The following DNAAF5 variants were observed in gnomAD, a reference collection of about 807,000 sequenced individuals.
DNAAF5 encodes HEAT repeat containing 2.
Under a neutral mutation model 75.8 loss-of-function variants are expected in DNAAF5, and 64 were observed. The ratio of observed to expected loss-of-function variants is 0.84; its 90% CI spans 0.69 to 1.04. DNAAF5 has a LOEUF of 1.04. DNAAF5 is among the 50% of genes least tolerant of loss of function. DNAAF5 has a pLI of 0.00. For missense variants in DNAAF5, 1,269 were observed against 1,178.5 expected (o/e 1.08, Z -1.12); for synonymous variants, 657 against 557.2 (o/e 1.18, Z -2.52).
intron 6 of DNAAF5, among the ~76,000 whole-genome samples, chr7:758,065 G>C (rs1013588887): frequency 1.3e-5 from 2 of 152,238 alleles, no homozygotes; most frequent in African/African-American, 2.4e-5. Flanking sequence ...GGAAGGGAGC[G>C]GGGGAGGGGC....
At chr7:741,019 A>G in intron 3 of DNAAF5, 76 bp downstream of exon 3, 1 of 1,538,538 alleles carries the variant, frequency 6.5e-7, no homozygotes, top group South Asian at 1.2e-5. Flanking sequence ...CTTTGCTCCC[A>G]GTCTCTCACA....
Position 754,177 on chromosome 7 carries a change from T to G in DNAAF5, c.1025-412T>G, listed in dbSNP as rs1782409974. On this transcript the variant is annotated intron_variant, in intron 4 of 12. Coordinates refer to ENST00000297440, the MANE Select transcript of DNAAF5 (RefSeq NM_017802.4). The surrounding 1 kb of genome is among the most constrained non-coding windows in gnomAD (Gnocchi z 4.8). ...ATCTCTGTGTGGCTCTAAATGTTTG[T>G]TTTTTGAGACAGGGTCTCGCTCTGT... 6.6e-6 allele frequency among the ~76,000 whole-genome samples: 1 copy of G among 152,210 alleles called. No individual in the cohort carries two copies. The highest frequency in any genetic ancestry group is 2.1e-4 in the South Asian group (1 of 4,830).
At chr7:736,605 G>A (rs536708741) in intron 2 of DNAAF5, among the ~76,000 whole-genome samples, 4 of 152,214 alleles carry the variant, frequency 2.6e-5, no homozygotes, top group Admixed American at 6.5e-5. Flanking sequence ...TTTTAGTGAC[G>A]TGTATTTCTT....
At chr7:753,565 G>C (rs999246053) in intron 4 of DNAAF5, among the ~76,000 whole-genome samples, 2 of 151,200 alleles carry the variant, frequency 1.3e-5, no homozygotes, top group Admixed American at 1.3e-4. Flanking sequence ...TCGAAGGCAT[G>C]TCTCTCTGAT....
chr7:753,748 GATC>G (rs149986625), intron 4 of DNAAF5, among the ~76,000 whole-genome samples: 4,310 of 109,060 alleles, frequency 0.04, 282 homozygotes, highest in African/African-American at 0.15. Flanking sequence ...GTGTCTCTCT[GATC>G]ATATGGCGAC....
rs550362104 is a variant in DNAAF5 at position 736,173 on chromosome 7, G to A, written c.781-4646G>A. ...ATCTGTGTGCTGAGGAGAAGAATGT[G>A]TATTCTGTAGCTGTTGGATGCAATG... On this transcript the variant is annotated intron_variant, in intron 2 of 12. Coordinates refer to ENST00000297440, the MANE Select transcript of DNAAF5 (RefSeq NM_017802.4). Among the ~76,000 whole-genome samples, 290 of 152,334 alleles carry A rather than the reference G, an allele frequency of 1.9e-3. 1 individual carries two copies. The highest frequency in any genetic ancestry group is 3.7e-3 in the Admixed American group (57 of 15,304).
chr7:774,439 G>A (rs142784513), intron 10 of DNAAF5, among the ~76,000 whole-genome samples: 1 of 152,218 alleles, frequency 6.6e-6, no homozygotes, highest in Non-Finnish European at 1.5e-5. Flanking sequence ...CAGCCCGGTC[G>A]TGCTGCGGGT....
chr7:761,881 C>T lies in DNAAF5; in HGVS notation c.1599C>T (p.Thr533=), dbSNP rs771906023. The T allele has an allele frequency of 3.4e-5, 54 of 1,576,254 alleles. No homozygotes were observed. Among genetic ancestry groups the T allele is most frequent in the Non-Finnish European group, 4.4e-5 (51 of 1,161,546 alleles). ...CAATAGTGGCCCTCGCAGGTGCTAC[C>T]GGCCTGAGGGACAAGGTAAGGCTGA... ...LLTIVALAGA[T]GLRDKAQETM... Residue 533 remains threonine (T), a synonymous_variant, in exon 7 of 13, where the codon ACC becomes ACT. Transcript: ENST00000297440.
At chr7:765,806 T>C (rs924328420) in intron 8 of DNAAF5, among the ~76,000 whole-genome samples, 1 of 152,130 alleles carries the variant, frequency 6.6e-6, no homozygotes, top group Non-Finnish European at 1.5e-5. Context: ...GATCAAGTGA[T>C]TTTTCTGCCT....
chr7:746,007 C>T (rs547041765), intron 4 of DNAAF5, among the ~76,000 whole-genome samples: 1 of 152,058 alleles, frequency 6.6e-6, no homozygotes, highest in African/African-American at 2.4e-5. Context: ...GAATGACAGT[C>T]AGTCAGTCGC....
At chr7:766,001 G>C (rs1782807474) in intron 8 of DNAAF5, among the ~76,000 whole-genome samples, 1 of 152,146 alleles carries the variant, frequency 6.6e-6, no homozygotes, top group African/African-American at 2.4e-5. Context: ...GCTAATTTTT[G>C]TATTTTTTGT....
At chr7:773,905 GA>G in intron 9 of DNAAF5, 142 bp from the exon 10 acceptor site, 1 of 893,190 alleles carries the variant, frequency 1.1e-6, no homozygotes, top group Non-Finnish European at 1.8e-6. Context: ...AGCAGCTCCT[GA>G]GAGGAGGAGG....
intron 4 of DNAAF5, among the ~76,000 whole-genome samples, chr7:746,829 C>T (rs1032908090): frequency 6.6e-6 from 1 of 152,234 alleles, no homozygotes; most frequent in Non-Finnish European, 1.5e-5. Context: ...CAGAACTGCT[C>T]ATGGGCCCTG....
intron 11 of DNAAF5, 34 bp downstream of exon 11, chr7:775,196 A>G (rs1778719636): frequency 1.2e-6 from 2 of 1,603,944 alleles, no homozygotes; most frequent in Admixed American, 3.3e-5. Context: ...GCCTGTGTAT[A>G]TGCAGTCAGC....
chr7:770,619 G>C lies in DNAAF5; in HGVS notation c.1931+1G>C. 1 of 1,613,084 alleles carries C rather than the reference G, an allele frequency of 6.2e-7. No homozygotes were observed. Among genetic ancestry groups the C allele is most frequent in the Non-Finnish European group, 8.5e-7 (1 of 1,179,836 alleles). ...CCACGGACACCATCAACTCCCAGGG[G>C]TAGGTCCGGGCTCTGCCTCTGCACG... On this transcript the variant is annotated splice_donor_variant, in intron 9 of 12. Coordinates refer to ENST00000297440, the MANE Select transcript of DNAAF5 (RefSeq NM_017802.4). LOFTEE classifies it high-confidence loss of function.
intron 10 of DNAAF5, 70 bp downstream of exon 10, chr7:774,268 G>A: frequency 1.4e-6 from 2 of 1,460,648 alleles, no homozygotes; most frequent in Non-Finnish European, 9.1e-7. Flanking sequence ...GCCCGGCAGA[G>A]CTCCCGCAGC....
chr7:758,018 TG>T (rs993525910), intron 6 of DNAAF5, among the ~76,000 whole-genome samples: 1 of 152,198 alleles, frequency 6.6e-6, no homozygotes, highest in African/African-American at 2.4e-5. Flanking sequence ...AAGCAGTTCC[TG>T]GAATACATAG....
intron 5 of DNAAF5, among the ~76,000 whole-genome samples, chr7:755,417 T>C (rs1348313037): frequency 6.6e-6 from 1 of 152,202 alleles, no homozygotes; most frequent in Admixed American, 6.5e-5. Context: ...GTCACCACCA[T>C]GAGGACTTCA....
In DNAAF5 at chr7:763,863, C is replaced by T. The variant is rs749539081; in HGVS notation, c.1672C>T (p.Leu558Phe). 3 of 1,613,334 alleles carry T rather than the reference C, an allele frequency of 1.9e-6. No homozygotes were observed. The highest frequency in any genetic ancestry group is 2.7e-5 in the African/African-American group (2 of 74,960). ...GGAGGGTGTCAGCAGCTGCCAGGAC[C>T]TCTACCGCAAGCACATTGGTCCCCT... ...MVEGVSSCQD[L>F]YRKHIGPLLE... is the part of the protein sequence containing the mutation. The change falls in exon 8 of 13, where the codon CTC becomes TTC. Residue 558 changes from leucine to phenylalanine, a missense_variant. Coordinates refer to ENST00000297440, the MANE Select transcript of DNAAF5 (RefSeq NM_017802.4).
Sources: allele counts gnomAD v4.1 joint callset (sites outside exome capture counted in the v4.1 genomes callset), GRCh38; gene constraint gnomAD v4.1.1; non-coding constraint Gnocchi (gnomAD v3.1); transcripts MANE v1.5; gene names NCBI Gene and HGNC (gene_info 2026-07-23, HGNC 2026-07-21).